The following PDE7B variants were observed in gnomAD, a reference collection of about 807,000 sequenced individuals.
PDE7B encodes 3',5'-cyclic-AMP phosphodiesterase 7B.
In PDE7B, 29 loss-of-function variants were observed where a neutral mutation model predicts 56.2. The observed-to-expected ratio is 0.52, with a 90% confidence interval of 0.38 to 0.70. The LOEUF is 0.70. Ranked by LOEUF, PDE7B falls within the 30% of genes least tolerant of loss-of-function variation. The probability of loss-of-function intolerance (pLI) is 0.00; values close to 1 mark genes in which losing one functional copy is unlikely to be tolerated. For missense variants in PDE7B, 490 were observed against 565.0 expected (o/e 0.87, Z 1.35); for synonymous variants, 197 against 196.9 (o/e 1.00, Z 0.00).
At chr6:136,021,830 A>G (rs1776077145) in intron 2 of PDE7B, among the ~76,000 whole-genome samples, 1 of 152,124 alleles carries the variant, frequency 6.6e-6, no homozygotes, top group Non-Finnish European at 1.5e-5. Context: ...AAACTATTAT[A>G]TATTAGATCA....
rs80356049 is a variant in PDE7B, at chr6:136,033,628, C to T, written c.83-75103C>T. Among the ~76,000 whole-genome samples the T allele has an allele frequency of 3.2e-3, 481 of 152,298 alleles. 1 individual carries two copies. The highest frequency in any genetic ancestry group is 0.011 in the African/African-American group (446 of 41,554). On this transcript the variant is annotated intron_variant, in intron 2 of 12. Transcript: ENST00000308191. ...CTCATCTCTCCCCACATGCTTTCCC[C>T]CTTTCCCCATGACAATGGAAATATG...
intron 2 of PDE7B, among the ~76,000 whole-genome samples, chr6:136,055,573 C>T (rs1680962488): frequency 1.3e-5 from 2 of 152,156 alleles, no homozygotes; most frequent in African/African-American, 4.8e-5. Flanking sequence ...CAGTGAAAAT[C>T]CTTTTAGTAT....
Position 136,108,775 on chromosome 6 carries a change from C to A in PDE7B, c.127C>A (p.Arg43Ser), listed in dbSNP as rs367675238. Residue 43 changes from arginine to serine, a missense_variant, in exon 3 of 13, where the codon CGT (arginine) becomes AGT (serine). Coordinates refer to ENST00000308191, the MANE Select transcript of PDE7B (RefSeq NM_018945.4). ...TCAGACGGGGGTTCGTGCTGAACGCCGTGGCTCCTACCCATTCATTGACTT... is the reference window on the plus strand; with the variant it reads ...TCAGACGGGGGTTCGTGCTGAACGCAGTGGCTCCTACCCATTCATTGACTT... ...RGQTGVRAER[R>S]GSYPFIDFRL... is the part of the protein sequence containing the mutation. 1.2e-6 allele frequency: 2 copies of A among 1,611,372 alleles called. No homozygotes were observed. Among genetic ancestry groups the A allele is most frequent in the African/African-American group, 1.3e-5 (1 of 74,842 alleles).
chr6:136,105,446 A>G (rs542106192), intron 2 of PDE7B, among the ~76,000 whole-genome samples: 2 of 152,342 alleles, frequency 1.3e-5, no homozygotes, highest in Admixed American at 6.5e-5. Flanking sequence ...CAAATTATCA[A>G]ATTTCCATTA....
intron 2 of PDE7B, among the ~76,000 whole-genome samples, chr6:136,002,618 TG>T (rs1432157002): frequency 2.6e-5 from 4 of 152,290 alleles, no homozygotes; most frequent in African/African-American, 9.6e-5. Flanking sequence ...CATTACATAA[TG>T]GTAAAGGGAT....
chr6:136,111,874 C>A (rs1777754632), intron 3 of PDE7B, among the ~76,000 whole-genome samples: 1 of 152,158 alleles, frequency 6.6e-6, no homozygotes. Flanking sequence ...AGACCCCAAA[C>A]TTCATTTTCC....
In PDE7B at chr6:136,193,994, CTG is replaced by C. The variant is rs776583789; in HGVS notation, c.*2157_*2158del. The C allele has an allele frequency of 6.6e-6, 1 of 152,004 alleles. No individual in the cohort carries two copies. The highest frequency in any genetic ancestry group is 2.4e-5 in the African/African-American group (1 of 41,386). 9.4% of individuals were successfully genotyped at this position (152,004 alleles called of 1,614,324 possible). On this transcript the variant is annotated 3_prime_UTR_variant, in exon 13 of 13. Coordinates refer to ENST00000308191, the MANE Select transcript of PDE7B (RefSeq NM_018945.4). ...GCTTTGTATTTTTTTTTCTGTAAAA[CTG>C]TGAACTGATATATTTTCCTTTATCA... is the stretch of plus-strand genomic sequence containing the variant.
chr6:136,140,902 C>T (rs1283736157), intron 3 of PDE7B, among the ~76,000 whole-genome samples: 6 of 151,974 alleles, frequency 3.9e-5, no homozygotes, highest in Admixed American at 3.3e-4. Context: ...ACAATCATGT[C>T]GTCTGCAAAC....
chr6:136,172,320 G>T (rs1195358669), intron 8 of PDE7B, among the ~76,000 whole-genome samples: 1 of 152,152 alleles, frequency 6.6e-6, no homozygotes, highest in African/African-American at 2.4e-5. Flanking sequence ...ACTTTTTAAT[G>T]ATTGCCATTC....
At chr6:135,876,029 C>T (rs1016891435) in intron 1 of PDE7B, among the ~76,000 whole-genome samples, 6 of 151,730 alleles carry the variant, frequency 4.0e-5, no homozygotes, top group African/African-American at 7.3e-5. Context: ...CAGAGCAGAA[C>T]GGGAAAGGAA....
At chr6:135,941,067 C>T (rs964049440) in intron 1 of PDE7B, among the ~76,000 whole-genome samples, 8 of 152,176 alleles carry the variant, frequency 5.3e-5, no homozygotes, top group African/African-American at 1.9e-4. Flanking sequence ...CTTGCAGATT[C>T]GAAGTAAATA....
chr6:135,967,762 G>A (rs1775021181), intron 2 of PDE7B, among the ~76,000 whole-genome samples: 1 of 152,182 alleles, frequency 6.6e-6, no homozygotes, highest in African/African-American at 2.4e-5. Context: ...GAAACTGTAG[G>A]AAAGCTCATG....
intron 2 of PDE7B, among the ~76,000 whole-genome samples, chr6:136,057,582 A>G (rs1257542401): frequency 3.3e-5 from 5 of 152,234 alleles, no homozygotes; most frequent in Non-Finnish European, 1.5e-5. Flanking sequence ...TTGGTTGTCA[A>G]CTAAATCCTT....
chr6:136,022,292 A>C (rs1156626476), intron 2 of PDE7B, among the ~76,000 whole-genome samples: 1 of 152,122 alleles, frequency 6.6e-6, no homozygotes, highest in Non-Finnish European at 1.5e-5. Context: ...TTACTTCCTA[A>C]TTCTCACTAA....
chr6:136,127,936 T>C lies in PDE7B; in HGVS notation c.166+19122T>C, dbSNP rs141010383. ...TTAACTTCTGAACTTTTTGCTCTGC[T>C]GTGATCTTTCTGACACTTTGAAGAA... On this transcript the variant is annotated intron_variant, in intron 3 of 12. Transcript: ENST00000308191. 2.6e-3 allele frequency among the ~76,000 whole-genome samples: 390 copies of C among 152,364 alleles called. 3 individuals are homozygous for C. The highest frequency in any genetic ancestry group is 4.7e-3 in the Non-Finnish European group (320 of 68,030).
At chr6:135,950,415 A>G (rs1398455397) in intron 2 of PDE7B, among the ~76,000 whole-genome samples, 1 of 152,182 alleles carries the variant, frequency 6.6e-6, no homozygotes, top group Non-Finnish European at 1.5e-5. Context: ...CTGATATTGT[A>G]AAGGACTATT....
chr6:136,021,961 C>T (rs2128208182), intron 2 of PDE7B, among the ~76,000 whole-genome samples: 1 of 152,262 alleles, frequency 6.6e-6, no homozygotes, highest in East Asian at 1.9e-4. Context: ...CTCATGCCAC[C>T]TTTTCCCTTG....
intron 3 of PDE7B, among the ~76,000 whole-genome samples, chr6:136,141,157 TGA>T (rs1301207399): frequency 1.3e-5 from 2 of 152,222 alleles, no homozygotes; most frequent in Non-Finnish European, 2.9e-5. Context: ...CCTAATTTAT[TGA>T]GAGTTTTTAG....
chr6:135,988,664 A>T (rs992075289), intron 2 of PDE7B, among the ~76,000 whole-genome samples: 1 of 152,228 alleles, frequency 6.6e-6, no homozygotes, highest in African/African-American at 2.4e-5. Flanking sequence ...TGAAGCATTC[A>T]AAGGAAATGG....
Sources: allele counts gnomAD v4.1 joint callset (sites outside exome capture counted in the v4.1 genomes callset), GRCh38; gene constraint gnomAD v4.1.1; transcripts MANE v1.5; gene names NCBI Gene and HGNC (gene_info 2026-07-23, HGNC 2026-07-21).